RAB11FIP3: variants seen among roughly 807,000 people sequenced by gnomAD.
The protein encoded by RAB11FIP3 is rab11 family-interacting protein 3.
RAB11FIP3 carries 17 observed loss-of-function variants against 77.8 expected under a neutral mutation model. The ratio of observed to expected loss-of-function variants is 0.22; its 90% confidence interval spans 0.15 to 0.33. The LOEUF (loss-of-function observed/expected upper bound fraction) is 0.33, where lower values mean the gene tolerates loss of function less well. Among genes scored for constraint, RAB11FIP3 ranks in the 10% least tolerant of loss-of-function variants. The probability of loss-of-function intolerance (pLI) is 1.00; values close to 1 mark genes in which losing one functional copy is unlikely to be tolerated. For missense variants in RAB11FIP3, 1,005 were observed against 1,011.2 expected (o/e 0.99, Z 0.08); for synonymous variants, 437 against 448.2 (o/e 0.98, Z 0.31).
chr16:489,292 G>A (rs1351355137), intron 5 of RAB11FIP3, among the ~76,000 whole-genome samples: 2 of 152,222 alleles, frequency 1.3e-5, no homozygotes, highest in Non-Finnish European at 2.9e-5. Context: ...CTTTGCTGTG[G>A]GCCGTGGATC....
chr16:500,687 CAAAAAA>C (rs56771770), intron 6 of RAB11FIP3, among the ~76,000 whole-genome samples: 84 of 22,300 alleles, frequency 3.8e-3, no homozygotes, highest in South Asian at 0.016. Flanking sequence ...GACTCTGTCG[CAAAAAA>C]AAAAAAAAAA....
chr16:510,783 C>A lies in RAB11FIP3; in HGVS notation c.1623C>A (p.Ile541=), dbSNP rs143343068. The A allele has an allele frequency of 6.2e-7, 1 of 1,613,242 alleles. No individual in the cohort carries two copies. The highest frequency in any genetic ancestry group is 2.2e-5 in the East Asian group (1 of 44,874). Residue 541 remains isoleucine (I), a synonymous_variant, in exon 9 of 14, where the codon ATC becomes ATA. Coordinates refer to ENST00000262305, the MANE Select transcript of RAB11FIP3 (RefSeq NM_014700.4). ...TGGAGAGGGAGAAGAGCATTGAGAT[C>A]GAGAACCTGCAGACCAGGTAGGCGG... ...CKMEREKSIE[I]ENLQTRLQQL... is the part of the protein sequence containing the mutation.
Position 426,778 on chromosome 16 carries a change from G to A in RAB11FIP3, c.714+58G>A. The A allele has an allele frequency of 2.2e-6, 3 of 1,371,798 alleles. No homozygotes were observed. Among genetic ancestry groups the A allele is most frequent in the Non-Finnish European group, 2.9e-6 (3 of 1,030,126 alleles). The allele number at this position is 1,371,798 out of a possible 1,614,324, so 85.0% of individuals were successfully genotyped here. On this transcript the variant is annotated intron_variant, in intron 1 of 13. Coordinates refer to ENST00000262305, the MANE Select transcript of RAB11FIP3 (RefSeq NM_014700.4). This position sits in a 1 kb window ranked among gnomAD's most constrained non-coding sequence, Gnocchi z 5.0. ...TGGGCAGGTGCGCGCTGGCCGGCGG[G>A]GTTGATGTGGGACCGGTCGACGCTG...
intron 2 of RAB11FIP3, among the ~76,000 whole-genome samples, chr16:467,680 G>C (rs1596236012): frequency 6.8e-5 from 6 of 87,834 alleles, no homozygotes; most frequent in South Asian, 4.7e-4. Flanking sequence ...GTGCAGGGGC[G>C]TCAGGGAGGA....
chr16:432,437 A>G (rs1365781561), intron 1 of RAB11FIP3, among the ~76,000 whole-genome samples: 1 of 152,124 alleles, frequency 6.6e-6, no homozygotes, highest in Non-Finnish European at 1.5e-5. Flanking sequence ...TAAGAAAAAT[A>G]AGGAGCCCTT....
chr16:520,380 T>C, intron 12 of RAB11FIP3, 79 bp from the exon 13 acceptor site: 4 of 1,574,444 alleles, frequency 2.5e-6, no homozygotes, highest in South Asian at 1.1e-5. Context: ...GCTGGAGGCC[T>C]TTTTCCCCGG....
At chr16:458,937 C>T (rs999383615) in intron 1 of RAB11FIP3, among the ~76,000 whole-genome samples, 1 of 152,162 alleles carries the variant, frequency 6.6e-6, no homozygotes, top group Non-Finnish European at 1.5e-5. Context: ...TACCCATCCC[C>T]AGTCACAGCA....
chr16:501,976 G>A (rs1472831142), intron 6 of RAB11FIP3, among the ~76,000 whole-genome samples: 133 of 121,036 alleles, frequency 1.1e-3, no homozygotes, highest in Middle Eastern at 6.9e-3. Flanking sequence ...TAGGCAAGGA[G>A]GCTGGGAGAG....
At chr16:473,339 T>TA (rs1210882962) in intron 3 of RAB11FIP3, among the ~76,000 whole-genome samples, 2 of 152,188 alleles carry the variant, frequency 1.3e-5, no homozygotes, top group African/African-American at 4.8e-5. Context: ...TTTTTTGACT[T>TA]AAAAAAATGA....
At position 482,747 on chromosome 16, in the gene RAB11FIP3, C is replaced by A; in HGVS notation, c.1115+11C>A. 1 of 1,582,528 alleles carries A rather than the reference C, an allele frequency of 6.3e-7. No individual in the cohort carries two copies. Among genetic ancestry groups the A allele is most frequent in the Non-Finnish European group, 8.6e-7 (1 of 1,167,418 alleles). On this transcript the variant is annotated intron_variant, in intron 4 of 13. Coordinates refer to ENST00000262305, the MANE Select transcript of RAB11FIP3 (RefSeq NM_014700.4). ...GCTGCTCCCAGGCAGGTCTGTACCC[C>A]GCCACGGGCCTCCTGGAGAGGCCTT...
intron 3 of RAB11FIP3, among the ~76,000 whole-genome samples, chr16:475,372 G>A (rs549779881): frequency 6.6e-6 from 1 of 152,358 alleles, no homozygotes; most frequent in African/African-American, 2.4e-5. Context: ...TAAAAAGTTG[G>A]TAGCATAGAC....
intron 4 of RAB11FIP3, among the ~76,000 whole-genome samples, chr16:487,857 G>A (rs1051147522): frequency 1.3e-5 from 2 of 152,158 alleles, no homozygotes. Flanking sequence ...CTGCTGTTAC[G>A]TTTTAGCTTA....
At chr16:434,019 C>G (rs1013090185) in intron 1 of RAB11FIP3, among the ~76,000 whole-genome samples, 2 of 152,076 alleles carry the variant, frequency 1.3e-5, no homozygotes, top group Non-Finnish European at 2.9e-5. Context: ...ATTTCCTTTC[C>G]TTTGGATAAA....
chr16:426,357 A>G lies in RAB11FIP3; in HGVS notation c.351A>G (p.Pro117=), dbSNP rs750711211. The G allele has an allele frequency of 9.2e-6, 14 of 1,528,046 alleles. No individual in the cohort carries two copies. The highest frequency in any genetic ancestry group is 1.2e-5 in the Non-Finnish European group (14 of 1,139,234). 94.7% of individuals were successfully genotyped at this position (1,528,046 alleles called of 1,614,324 possible). The part of the protein sequence containing the change: ...GPGPRSEAPL[P]ELDPLFSWTE... ...GGCCGCGCTCCGAAGCGCCGCTTCC[A>G]GAACTCGACCCGTTGTTCTCCTGGA... The change falls in exon 1 of 14, where the codon CCA becomes CCG. Residue 117 remains proline, a synonymous_variant. Transcript: ENST00000262305. This position sits in a 1 kb window ranked among gnomAD's most constrained non-coding sequence, Gnocchi z 5.0.
chr16:431,289 G>A (rs1171799912), intron 1 of RAB11FIP3, among the ~76,000 whole-genome samples: 1 of 152,138 alleles, frequency 6.6e-6, no homozygotes, highest in Non-Finnish European at 1.5e-5. Flanking sequence ...AAAGGCAAAT[G>A]AAGCTTGGGT....
chr16:494,665 T>A (rs909862660), intron 5 of RAB11FIP3, among the ~76,000 whole-genome samples: 7 of 151,782 alleles, frequency 4.6e-5, no homozygotes, highest in Non-Finnish European at 1.0e-4. Context: ...TAGTCTCCAG[T>A]CGAGAAAGGA....
intron 5 of RAB11FIP3, among the ~76,000 whole-genome samples, chr16:493,412 A>G (rs2030781996): frequency 6.6e-6 from 1 of 152,146 alleles, no homozygotes; most frequent in Non-Finnish European, 1.5e-5. Context: ...CCTGAAAGTA[A>G]GCTTATTTGG....
intron 4 of RAB11FIP3, among the ~76,000 whole-genome samples, chr16:484,265 C>T (rs927768901): frequency 9.2e-5 from 14 of 152,188 alleles, no homozygotes; most frequent in Admixed American, 3.9e-4. Context: ...AGCTCTCCAC[C>T]GGCCCTGCAT....
chr16:496,934 T>TAA lies in RAB11FIP3; in HGVS notation c.1301+78_1301+79dup, dbSNP rs57374717. 1,545 of 1,423,622 alleles carry TAA rather than the reference T, an allele frequency of 1.1e-3. 13 individuals carry two copies. The African/African-American group carries it at 0.019, about 17-fold the overall frequency. The allele number at this position is 1,423,622 out of a possible 1,614,324, so 88.2% of individuals were successfully genotyped here. ...AATCATAGTTTTTTAAAAAACATTT[T>TAA]AAAATGTTCTTTTCCAAGGTATTTT... On this transcript the variant is annotated intron_variant, in intron 6 of 13. Transcript: ENST00000262305.
Sources: allele counts gnomAD v4.1 joint callset (sites outside exome capture counted in the v4.1 genomes callset), GRCh38; gene constraint gnomAD v4.1.1; non-coding constraint Gnocchi (gnomAD v3.1); transcripts MANE v1.5; gene names NCBI Gene and HGNC (gene_info 2026-07-23, HGNC 2026-07-21).